CTNNA2: variants seen among roughly 807,000 people sequenced by gnomAD.
CTNNA2 encodes catenin alpha 2.
A neutral mutation model predicts 101.0 loss-of-function variants in CTNNA2; 42 were observed. The ratio of observed to expected loss-of-function variants is 0.42; its 90% CI spans 0.32 to 0.54. The LOEUF is 0.54. CTNNA2 is among the 20% of genes least tolerant of loss of function. CTNNA2 has a pLI of 0.14. For missense variants in CTNNA2, 871 were observed against 1,223.1 expected (o/e 0.71, Z 4.29); for synonymous variants, 450 against 456.4 (o/e 0.99, Z 0.18).
intron 4 of CTNNA2, among the ~76,000 whole-genome samples, chr2:79,428,525 G>A (rs550524733): frequency 5.3e-5 from 8 of 152,110 alleles, no homozygotes; most frequent in East Asian, 1.9e-4. Flanking sequence ...TCCTGGGGCC[G>A]CTGACTGGAA....
chr2:80,069,093 G>A (rs1342819877), intron 7 of CTNNA2, among the ~76,000 whole-genome samples: 1 of 152,136 alleles, frequency 6.6e-6, no homozygotes, highest in Non-Finnish European at 1.5e-5. Flanking sequence ...AAGGCTGGGG[G>A]CAACTGAAAA....
intron 9 of CTNNA2, among the ~76,000 whole-genome samples, chr2:80,432,134 G>C: frequency 6.6e-6 from 1 of 151,928 alleles, no homozygotes; most frequent in East Asian, 1.9e-4. Flanking sequence ...AAATTCTAGA[G>C]TGTATTTTTT....
At chr2:79,355,500 T>G (rs1202327482) in intron 3 of CTNNA2, among the ~76,000 whole-genome samples, 1 of 152,172 alleles carries the variant, frequency 6.6e-6, no homozygotes, top group African/African-American at 2.4e-5. Context: ...TTAACTGGCA[T>G]TTAGGACAAT....
chr2:79,213,159 T>C (rs935154878), intron 2 of CTNNA2, among the ~76,000 whole-genome samples: 1 of 152,064 alleles, frequency 6.6e-6, no homozygotes, highest in Non-Finnish European at 1.5e-5. Flanking sequence ...GGAGAAAAAC[T>C]GAAAGTGAGG....
intron 3 of CTNNA2, among the ~76,000 whole-genome samples, chr2:79,775,738 C>G (rs556703972): frequency 6.6e-6 from 1 of 152,218 alleles, no homozygotes; most frequent in East Asian, 1.9e-4. Context: ...TCTGTGTTAT[C>G]TTTATTCTTG....
At chr2:80,312,980 TGA>T (rs1677745845) in intron 7 of CTNNA2, among the ~76,000 whole-genome samples, 1 of 152,248 alleles carries the variant, frequency 6.6e-6, no homozygotes, top group African/African-American at 2.4e-5. Flanking sequence ...CTCATTGAAT[TGA>T]GTTTATTAAC....
chr2:79,384,378 C>G (rs371449279), intron 4 of CTNNA2, among the ~76,000 whole-genome samples: 180 of 984 alleles, frequency 0.18, 2 homozygotes, highest in African/African-American at 0.22. Context: ...CATATTTCTT[C>G]TCTCTCTCTC....
In CTNNA2 at chr2:79,669,998, C is replaced by T. The variant is rs112999882; in HGVS notation, c.102+18340C>T. Among the ~76,000 whole-genome samples the T allele has an allele frequency of 4.4e-3, 666 of 152,280 alleles. 3 individuals are homozygous for T. Among genetic ancestry groups the T allele is most frequent in the African/African-American group, 0.015 (607 of 41,556 alleles). ...AACCCCACTCCAAGATCAGAGCAGA[C>T]GCTGGGAGGAGAGAGGCCAGGCTGT... On this transcript the variant is annotated intron_variant, in intron 2 of 18. Coordinates refer to ENST00000402739, the MANE Select transcript of CTNNA2 (RefSeq NM_001282597.3).
chr2:80,638,764 T>C (rs1411208280), intron 18 of CTNNA2, among the ~76,000 whole-genome samples: 1 of 152,216 alleles, frequency 6.6e-6, no homozygotes, highest in Non-Finnish European at 1.5e-5. Flanking sequence ...AGACAGTTAA[T>C]CAGTGGACTG....
chr2:79,322,381 T>C (rs1406912490), intron 3 of CTNNA2, among the ~76,000 whole-genome samples: 1 of 152,248 alleles, frequency 6.6e-6, no homozygotes, highest in East Asian at 1.9e-4. Flanking sequence ...GTGTTCCATT[T>C]TTATACATCC....
Position 79,651,575 on chromosome 2 carries a change from C to A in CTNNA2, c.19C>A (p.Pro7Thr). The A allele has an allele frequency of 6.2e-7, 1 of 1,613,804 alleles. No homozygotes were observed. The highest frequency in any genetic ancestry group is 8.5e-7 in the Non-Finnish European group (1 of 1,179,810). ...AGGGAGCATGACTTCGGCAACTTCA[C>A]CTATCATTCTGAAATGGGACCCCAA... is the stretch of plus-strand genomic sequence containing the variant. MTSATS[P>T]IILKWDPKSL... The change falls in exon 2 of 19, where the codon CCT becomes ACT. Residue 7 changes from proline to threonine, a missense_variant. Transcript: ENST00000402739.
At chr2:79,615,035 A>G (rs1442851199) in intron 1 of CTNNA2, among the ~76,000 whole-genome samples, 1 of 152,170 alleles carries the variant, frequency 6.6e-6, no homozygotes, top group African/African-American at 2.4e-5. Context: ...GGTTGACGAG[A>G]GAGCATATTT....
chr2:80,480,219 C>G (rs1377667436), intron 9 of CTNNA2, among the ~76,000 whole-genome samples: 1 of 151,902 alleles, frequency 6.6e-6, no homozygotes, highest in Non-Finnish European at 1.5e-5. Flanking sequence ...ATGCATTTTC[C>G]TACATGGAAT....
At chr2:79,939,252 T>C (rs1189825738) in intron 7 of CTNNA2, among the ~76,000 whole-genome samples, 1 of 151,932 alleles carries the variant, frequency 6.6e-6, no homozygotes, top group East Asian at 1.9e-4. Context: ...TAGACATGGG[T>C]AGCTGAAGTA....
chr2:80,118,457 TA>T (rs546095758), intron 7 of CTNNA2, among the ~76,000 whole-genome samples: 14 of 152,362 alleles, frequency 9.2e-5, no homozygotes, highest in African/African-American at 3.1e-4. Context: ...TATGCTTCCT[TA>T]ACTTCCATGA....
rs200327531 is a variant in CTNNA2, at chr2:79,475,118, ACT to A, written c.-134-29933_-134-29932del. Among the ~76,000 whole-genome samples the A allele has an allele frequency of 4.8e-3, 724 of 151,002 alleles. 9 individuals are homozygous for A. Among genetic ancestry groups the A allele is most frequent in the African/African-American group, 0.017 (680 of 41,072 alleles). ...TCTGAGGAATTCTCCTCTAAAGAAA[ACT>A]CTTTTTTCTTTTTTTTGTCCCAGAG... is the stretch of plus-strand genomic sequence containing the variant. On this transcript the variant is annotated intron_variant, in intron 4 of 21. Coordinates refer to the CTNNA2 transcript ENST00000466387.
intron 1 of CTNNA2, among the ~76,000 whole-genome samples, chr2:79,628,812 ACT>A (rs1291620510): frequency 6.6e-6 from 1 of 151,676 alleles, no homozygotes; most frequent in African/African-American, 2.4e-5. Flanking sequence ...ACGATCTGTG[ACT>A]CTTGTCTCAT....
At chr2:79,214,872 TAAG>T (rs1308777339) in intron 2 of CTNNA2, among the ~76,000 whole-genome samples, 4 of 151,914 alleles carry the variant, frequency 2.6e-5, no homozygotes, top group Non-Finnish European at 2.9e-5. Flanking sequence ...TGGGGAGTTT[TAAG>T]AGGTTTAGAA....
chr2:80,084,306 C>T (rs1699317136), intron 7 of CTNNA2, among the ~76,000 whole-genome samples: 1 of 152,172 alleles, frequency 6.6e-6, no homozygotes, highest in African/African-American at 2.4e-5. Flanking sequence ...GTTTCTGTGA[C>T]ATTTCTGATA....
Sources: gnomAD v4.1 joint callset for allele counts (sites outside exome capture counted in the v4.1 genomes callset) on GRCh38, gnomAD v4.1.1 for gene constraint, MANE v1.5 for transcripts, NCBI Gene and HGNC (gene_info 2026-07-23, HGNC 2026-07-21) for gene names.